The following ADGRL2 variants were observed in gnomAD, a reference collection of about 807,000 sequenced individuals.
ADGRL2 encodes the protein calcium-independent alpha-latrotoxin receptor 2.
Under a neutral mutation model 157.4 loss-of-function variants are expected in ADGRL2, and 44 were observed. The observed-to-expected ratio is 0.28, with a 90% CI of 0.22 to 0.36. ADGRL2 has a LOEUF of 0.36. Ranked by LOEUF, ADGRL2 falls within the 10% of genes least tolerant of loss-of-function variation. ADGRL2 has a pLI of 1.00. For missense variants in ADGRL2, 1,510 were observed against 1,768.9 expected (o/e 0.85, Z 2.63); for synonymous variants, 585 against 624.7 (o/e 0.94, Z 0.95).
At chr1:81,690,686 CTTT>C (rs1414715482) in intron 3 of ADGRL2, among the ~76,000 whole-genome samples, 2 of 152,112 alleles carry the variant, frequency 1.3e-5, no homozygotes, top group African/African-American at 4.8e-5. Flanking sequence ...ACCTGCCTTA[CTTT>C]TTTTCTGGGT....
At chr1:81,832,457 G>A (rs1472560603) in intron 1 of ADGRL2, among the ~76,000 whole-genome samples, 2 of 152,128 alleles carry the variant, frequency 1.3e-5, no homozygotes, top group Non-Finnish European at 2.9e-5. Flanking sequence ...CTTTCTAATA[G>A]TCTAGAGTCC....
chr1:81,771,723 T>C (rs1490804170), intron 2 of ADGRL2, among the ~76,000 whole-genome samples: 1 of 152,070 alleles, frequency 6.6e-6, no homozygotes, highest in African/African-American at 2.4e-5. Context: ...AACCTTATCC[T>C]ATCCCTCTAA....
At chr1:81,754,377 T>A (rs2085597463) in intron 1 of ADGRL2, among the ~76,000 whole-genome samples, 1 of 151,686 alleles carries the variant, frequency 6.6e-6, no homozygotes, top group Non-Finnish European at 1.5e-5. Context: ...CAAATTATAA[T>A]GAGCACTAAA....
intron 2 of ADGRL2, among the ~76,000 whole-genome samples, chr1:81,524,343 G>A (rs991234503): frequency 6.6e-6 from 1 of 152,172 alleles, no homozygotes. Flanking sequence ...TCTAGCCTGG[G>A]CAACAGAGCG....
chr1:81,611,872 G>A (rs867544215), intron 3 of ADGRL2, among the ~76,000 whole-genome samples: 1 of 152,154 alleles, frequency 6.6e-6, no homozygotes. Flanking sequence ...CCCCTATGCT[G>A]TTCTCGTGCT....
chr1:81,695,118 T>C (rs1042434935), upstream of ADGRL2, among the ~76,000 whole-genome samples: 1 of 152,138 alleles, frequency 6.6e-6, no homozygotes, highest in African/African-American at 2.4e-5. Context: ...TTATTCAGTC[T>C]CTTCTAGATA....
intron 2 of ADGRL2, among the ~76,000 whole-genome samples, chr1:81,518,286 C>G (rs1431511626): frequency 6.6e-6 from 1 of 152,202 alleles, no homozygotes; most frequent in Non-Finnish European, 1.5e-5. Context: ...TCTGATTGCT[C>G]CTTTCTCTTT....
intron 1 of ADGRL2, among the ~76,000 whole-genome samples, chr1:81,711,812 G>T (rs569357531): frequency 9.9e-5 from 15 of 152,166 alleles, no homozygotes; most frequent in South Asian, 2.1e-4. Flanking sequence ...CCCCTGAAAG[G>T]GTCCAGGGAC....
Position 81,364,943 on chromosome 1 carries a change from C to T in ADGRL2, c.-302+58434C>T, listed in dbSNP as rs548302660. Among the ~76,000 whole-genome samples the T allele has an allele frequency of 2.6e-5, 4 of 152,192 alleles. No homozygotes were observed. The South Asian group carries it at 8.3e-4, about 32-fold the overall frequency. On this transcript the variant is annotated intron_variant, in intron 1 of 24. Coordinates refer to the ADGRL2 transcript ENST00000370721. ...CCTCCCAAAGTGCTGAGATTACAGG[C>T]GTGAGCCACTGCCCCCAGCCGGTAA...
At chr1:81,461,720 C>G (rs2077932371) in intron 2 of ADGRL2, among the ~76,000 whole-genome samples, 1 of 152,106 alleles carries the variant, frequency 6.6e-6, no homozygotes, top group Non-Finnish European at 1.5e-5. Flanking sequence ...TCTGATCACT[C>G]TGAAGCAGTA....
rs141324530 is a variant in ADGRL2, at chr1:81,939,552, G to A, written c.398-2482G>A. Among the ~76,000 whole-genome samples, 137 of 151,548 alleles carry A rather than the reference G, an allele frequency of 9.0e-4. 1 individual carries two copies. The East Asian group carries it at 0.025, about 28-fold the overall frequency. On this transcript the variant is annotated intron_variant, in intron 4 of 23. Coordinates refer to ENST00000686636, the MANE Select transcript of ADGRL2 (RefSeq NM_001366006.2). ...AAACATGTTTATTCAATGAAATAGT[G>A]TGTCACTTCACATACAGAGTATGTA...
At chr1:81,683,588 C>T (rs937942527) in intron 3 of ADGRL2, among the ~76,000 whole-genome samples, 5 of 152,128 alleles carry the variant, frequency 3.3e-5, no homozygotes, top group Non-Finnish European at 7.4e-5. Flanking sequence ...ATAATAGTCT[C>T]CAATCTCATC....
chr1:81,388,672 C>G (rs949272764), intron 1 of ADGRL2, among the ~76,000 whole-genome samples: 1 of 152,102 alleles, frequency 6.6e-6, no homozygotes, highest in East Asian at 1.9e-4. Context: ...TAGGAGTAAA[C>G]GTGTATGAGG....
intron 3 of ADGRL2, among the ~76,000 whole-genome samples, chr1:81,689,320 T>C (rs1305538798): frequency 6.6e-6 from 1 of 152,208 alleles, no homozygotes; most frequent in African/African-American, 2.4e-5. Flanking sequence ...TGTTAGATTT[T>C]CTAAAGATTT....
At chr1:81,594,441 T>A (rs1264416155) in intron 3 of ADGRL2, among the ~76,000 whole-genome samples, 4 of 152,266 alleles carry the variant, frequency 2.6e-5, no homozygotes, top group Non-Finnish European at 4.4e-5. Context: ...GTTGTCATTC[T>A]GCTCCATAAA....
At chr1:81,576,849 A>G (rs573453907) in intron 2 of ADGRL2, among the ~76,000 whole-genome samples, 4 of 152,156 alleles carry the variant, frequency 2.6e-5, no homozygotes, top group African/African-American at 4.8e-5. Flanking sequence ...AAAGTTTATG[A>G]TAAGTTTTTC....
intron 1 of ADGRL2, among the ~76,000 whole-genome samples, chr1:81,322,089 T>C (rs1660543080): frequency 9.7e-6 from 1 of 103,540 alleles, no homozygotes; most frequent in Admixed American, 1.0e-4. Flanking sequence ...GACTAATTCA[T>C]ATATATATAT....
intron 1 of ADGRL2, among the ~76,000 whole-genome samples, chr1:81,406,480 C>T (rs1438092701): frequency 4.6e-5 from 7 of 152,096 alleles, no homozygotes; most frequent in African/African-American, 1.7e-4. Context: ...TCTTTGTTCC[C>T]AGGAGATTTC....
chr1:81,665,527 G>A (rs2082734734), intron 3 of ADGRL2, among the ~76,000 whole-genome samples: 1 of 152,098 alleles, frequency 6.6e-6, no homozygotes, highest in South Asian at 2.1e-4. Context: ...TCACTGGAAT[G>A]AATAGTCAGA....
Sources: allele counts gnomAD v4.1 joint callset (sites outside exome capture counted in the v4.1 genomes callset), GRCh38; gene constraint gnomAD v4.1.1; transcripts MANE v1.5; gene names NCBI Gene and HGNC (gene_info 2026-07-23, HGNC 2026-07-21).